The following PARD3B variants were observed in gnomAD, a reference collection of about 807,000 sequenced individuals.
PARD3B encodes partitioning defective 3 homolog B.
A neutral mutation model predicts 130.2 loss-of-function variants in PARD3B; 103 were observed. The ratio of observed to expected loss-of-function variants is 0.79; its 90% confidence interval spans 0.67 to 0.93. The LOEUF (loss-of-function observed/expected upper bound fraction) is 0.93, where lower values mean the gene tolerates loss of function less well. Among genes scored for constraint, PARD3B ranks in the 40% least tolerant of loss-of-function variants. The pLI, the probability that PARD3B is intolerant of heterozygous loss-of-function variation, is 0.00. For missense variants in PARD3B, 1,609 were observed against 1,499.2 expected, an observed-to-expected ratio of 1.07 and a Z score of -1.21; for synonymous variants, 583 against 553.2, an observed-to-expected ratio of 1.05 and a Z score of -0.76.
At chr2:205,248,765 GC>G (rs2039694270) in intron 16 of PARD3B, among the ~76,000 whole-genome samples, 1 of 150,420 alleles carries the variant, frequency 6.6e-6, no homozygotes, top group Non-Finnish European at 1.5e-5. Context: ...CCACTACCGC[GC>G]CTGGCTAATT....
intron 1 of PARD3B, among the ~76,000 whole-genome samples, chr2:204,639,010 G>C (rs1264025396): frequency 6.6e-6 from 1 of 152,120 alleles, no homozygotes; most frequent in Non-Finnish European, 1.5e-5. Flanking sequence ...TCAGTGAGTT[G>C]TAAATCTCTG....
intron 4 of PARD3B, among the ~76,000 whole-genome samples, chr2:205,075,193 G>A (rs1053784019): frequency 1.6e-4 from 25 of 152,254 alleles, no homozygotes; most frequent in African/African-American, 5.1e-4. Flanking sequence ...ATCCCTTCCA[G>A]ACCTATAGGT....
intron 2 of PARD3B, among the ~76,000 whole-genome samples, chr2:204,914,048 C>A (rs1014488537): frequency 1.3e-5 from 2 of 152,120 alleles, no homozygotes; most frequent in Non-Finnish European, 2.9e-5. Context: ...GTAAAAAGGG[C>A]TCCCTAACAG....
intron 2 of PARD3B, among the ~76,000 whole-genome samples, chr2:204,881,168 C>G (rs1366788054): frequency 6.6e-6 from 1 of 152,148 alleles, no homozygotes; most frequent in African/African-American, 2.4e-5. Context: ...TTATCTTTAG[C>G]TACTCAGTTT....
chr2:204,881,764 G>C (rs2046061288), intron 2 of PARD3B, among the ~76,000 whole-genome samples: 1 of 152,210 alleles, frequency 6.6e-6, no homozygotes, highest in African/African-American at 2.4e-5. Context: ...TTCAGAGAAA[G>C]ATTTTGCAAC....
At chr2:204,814,358 G>A (rs763303421) in intron 2 of PARD3B, among the ~76,000 whole-genome samples, 37 of 151,160 alleles carry the variant, frequency 2.4e-4, no homozygotes, top group African/African-American at 8.7e-4. Context: ...TATATATCAT[G>A]TACAATTATA....
At chr2:204,834,052 A>T (rs2043936256) in intron 2 of PARD3B, among the ~76,000 whole-genome samples, 2 of 152,256 alleles carry the variant, frequency 1.3e-5, no homozygotes, top group African/African-American at 4.8e-5. Flanking sequence ...TTCACCTGGG[A>T]TGACACCCTT....
chr2:205,432,405 G>A (rs185462392), intron 19 of PARD3B, among the ~76,000 whole-genome samples: 2 of 152,008 alleles, frequency 1.3e-5, no homozygotes, highest in Admixed American at 6.6e-5. Flanking sequence ...AGTAAAAACC[G>A]AACTCTACCA....
intron 2 of PARD3B, among the ~76,000 whole-genome samples, chr2:204,820,059 T>C (rs2043283998): frequency 6.8e-6 from 1 of 146,358 alleles, no homozygotes; most frequent in Admixed American, 7.0e-5. Flanking sequence ...GGTGGCTACA[T>C]TAAACAATAG....
intron 2 of PARD3B, among the ~76,000 whole-genome samples, chr2:204,910,825 G>T (rs2125723880): frequency 6.6e-6 from 1 of 152,110 alleles, no homozygotes. Flanking sequence ...GTATTTTTCA[G>T]TAGAGACTGG....
intron 21 of PARD3B, among the ~76,000 whole-genome samples, chr2:205,514,846 T>A (rs2050728463): frequency 2.6e-5 from 4 of 151,270 alleles, no homozygotes. Context: ...TTTTTTTTTT[T>A]TTACTTTAAG....
chr2:204,638,058 T>C (rs2034948685), intron 1 of PARD3B, among the ~76,000 whole-genome samples: 1 of 152,164 alleles, frequency 6.6e-6, no homozygotes, highest in African/African-American at 2.4e-5. Flanking sequence ...GGAATCAACC[T>C]GTGACTAGGT....
In PARD3B at chr2:204,897,353, A is replaced by G. The variant is rs183529295; in HGVS notation, c.223-67799A>G. Among the ~76,000 whole-genome samples the G allele has an allele frequency of 3.7e-3, 563 of 150,578 alleles. 5 individuals carry two copies. Among genetic ancestry groups the G allele is most frequent in the African/African-American group, 0.013 (522 of 40,984 alleles). On this transcript the variant is annotated intron_variant, in intron 2 of 22. Transcript: ENST00000406610. ...TGTGTAGCTCAGTGTGTAGGCCGTA[A>G]TAAATATAGAACTATTAAACCTGTA...
In PARD3B at chr2:205,440,431, A is replaced by G. The variant is rs1387002036; in HGVS notation, c.2803A>G (p.Thr935Ala). ...GGCAAGAGGTCTTCTTGATTATGCTACTGGTGCAATTGGATCAGTGTATGA... is the reference window on the plus strand; with the variant it reads ...GGCAAGAGGTCTTCTTGATTATGCTGCTGGTGCAATTGGATCAGTGTATGA... The part of the protein sequence containing the change: ...KQARGLLDYA[T>A]GAIGSVYDMD... Residue 935 changes from threonine (T) to alanine (A), a missense_variant, in exon 20 of 23, where the codon ACT becomes GCT. By Grantham distance (58) the Thr-to-Ala change is moderately conservative. Transcript: ENST00000406610. The surrounding 1 kb of genome is among the most constrained non-coding windows in gnomAD (Gnocchi z 4.2). 3 of 1,614,100 alleles carry G rather than the reference A, an allele frequency of 1.9e-6. No homozygotes were observed. The highest frequency in any genetic ancestry group is 2.2e-5 in the East Asian group (1 of 44,866).
chr2:205,528,078 C>A (rs1022885880), intron 21 of PARD3B, among the ~76,000 whole-genome samples: 2 of 152,106 alleles, frequency 1.3e-5, no homozygotes, highest in African/African-American at 2.4e-5. Flanking sequence ...TGTGAGTGAT[C>A]CAGAAGCTAG....
At chr2:205,495,391 CTT>C (rs1030890837) in intron 20 of PARD3B, among the ~76,000 whole-genome samples, 2 of 152,032 alleles carry the variant, frequency 1.3e-5, no homozygotes, top group Non-Finnish European at 2.9e-5. Flanking sequence ...GTAATAGAAA[CTT>C]TTTGTAAGGA....
intron 2 of PARD3B, among the ~76,000 whole-genome samples, chr2:204,849,186 A>G (rs2125602323): frequency 6.6e-6 from 1 of 152,310 alleles, no homozygotes; most frequent in South Asian, 2.1e-4. Flanking sequence ...GGGGTCTATT[A>G]ATCTTGACAG....
rs530481414 is a variant in PARD3B, at chr2:205,525,775, C to T, written c.3180+25744C>T. ...GACAAGTCCAGCTCAATGAGAATCT[C>T]GACAAAGGGCCTGACTCTCTCCCCT... On this transcript the variant is annotated intron_variant, in intron 21 of 22. Coordinates refer to ENST00000406610, the MANE Select transcript of PARD3B (RefSeq NM_001302769.2). The surrounding 1 kb of genome is among the most constrained non-coding windows in gnomAD (Gnocchi z 4.2). Among the ~76,000 whole-genome samples the T allele has an allele frequency of 2.0e-5, 3 of 152,192 alleles. No homozygotes were observed. Among genetic ancestry groups the T allele is most frequent in the Non-Finnish European group, 2.9e-5 (2 of 68,030 alleles).
intron 2 of PARD3B, among the ~76,000 whole-genome samples, chr2:204,934,779 C>T (rs928381900): frequency 5.9e-5 from 9 of 152,080 alleles, no homozygotes; most frequent in South Asian, 2.1e-4. Flanking sequence ...AAAGTGGGAA[C>T]GGGGTAAGTA....
Sources: gnomAD v4.1 joint callset for allele counts (sites outside exome capture counted in the v4.1 genomes callset) on GRCh38, gnomAD v4.1.1 for gene constraint, Gnocchi (gnomAD v3.1) non-coding constraint, MANE v1.5 for transcripts, NCBI Gene and HGNC (gene_info 2026-07-23, HGNC 2026-07-21) for gene names.